Variants in BRSK2 observed in about 807,000 individuals in gnomAD.
BRSK2 encodes serine/threonine-protein kinase BRSK2.
A neutral mutation model predicts 83.3 loss-of-function variants in BRSK2; 19 were observed. That is an observed-to-expected ratio of 0.23 (90% confidence interval 0.16 to 0.33). The LOEUF (loss-of-function observed/expected upper bound fraction) is 0.33. BRSK2 is among the 10% of genes least tolerant of loss of function. The pLI, the probability that BRSK2 is intolerant of heterozygous loss-of-function variation, is 1.00. For synonymous variants in BRSK2, 519 were observed against 435.4 expected (o/e 1.19, Z -2.39); for missense variants, 798 against 1,042.3 (o/e 0.77, Z 3.23).
chr11:1,402,504 G>T (rs1177746934), intron 1 of BRSK2, among the ~76,000 whole-genome samples: 2 of 152,194 alleles, frequency 1.3e-5, no homozygotes, highest in Non-Finnish European at 2.9e-5. Context: ...GGTGGGTGGT[G>T]CTGCGTGTAA....
At chr11:1,444,274 A>G (rs1474536933) in intron 8 of BRSK2, among the ~76,000 whole-genome samples, 1 of 152,102 alleles carries the variant, frequency 6.6e-6, no homozygotes, top group Non-Finnish European at 1.5e-5. Context: ...GGTAGCCCCC[A>G]GCTGCTGGTC....
chr11:1,448,204 C>T (rs560050897), intron 12 of BRSK2, among the ~76,000 whole-genome samples: 5 of 152,266 alleles, frequency 3.3e-5, no homozygotes, highest in East Asian at 3.9e-4. Context: ...CCCCTGGGGC[C>T]GGCCAGAGTT....
chr11:1,445,839 C>T lies in BRSK2; in HGVS notation c.1158C>T (p.Leu386=). The change falls in exon 12 of 20, where the codon CTC becomes CTT. Residue 386 remains leucine, a synonymous_variant. Transcript: ENST00000528841. The part of the protein sequence containing the change: ...RRPERKSMEV[L]SVTDGGSPVP... ...CAGAACGCAAATCCATGGAGGTGCT[C>T]AGCGTGACGGACGGCGGCTCCCCGG... 6.2e-7 allele frequency: 1 copy of T among 1,612,434 alleles called. No individual in the cohort carries two copies. The highest frequency in any genetic ancestry group is 8.5e-7 in the Non-Finnish European group (1 of 1,179,706).
At position 1,443,644 on chromosome 11, in the gene BRSK2, C is replaced by CCTCGGAG. The variant is rs1422891122; in HGVS notation, c.780+11_780+17dup. On this transcript the variant is annotated intron_variant, in intron 8 of 19. Transcript: ENST00000528841. The stretch of plus-strand genomic sequence containing the variant: ...CCGCACGCCGCCTCACGGTGCGTGC[C>CCTCGGAG]CTCGGAGCGGGGCGGCCCCAGAGCG... 6.3e-7 allele frequency: 1 copy of CCTCGGAG among 1,585,266 alleles called. No homozygotes were observed. The highest frequency in any genetic ancestry group is 1.4e-5 in the African/African-American group (1 of 73,034).
At chr11:1,451,773 T>G (rs1212623787) in intron 15 of BRSK2, among the ~76,000 whole-genome samples, 1 of 151,990 alleles carries the variant, frequency 6.6e-6, no homozygotes, top group Non-Finnish European at 1.5e-5. Flanking sequence ...CAGCCCGTGT[T>G]AAGAACAAAG....
chr11:1,446,639 C>T (rs1852168159), intron 12 of BRSK2, among the ~76,000 whole-genome samples: 1 of 152,084 alleles, frequency 6.6e-6, no homozygotes, highest in South Asian at 2.1e-4. Flanking sequence ...GGAGGAAGGG[C>T]ACCCAGCCCC....
chr11:1,419,407 C>A (rs1234723147), intron 1 of BRSK2, among the ~76,000 whole-genome samples: 1 of 152,216 alleles, frequency 6.6e-6, no homozygotes, highest in Non-Finnish European at 1.5e-5. Context: ...GGTCGGTGGT[C>A]TCTCTATGTC....
chr11:1,399,518 G>C (rs1200854848), intron 1 of BRSK2, among the ~76,000 whole-genome samples: 2 of 152,174 alleles, frequency 1.3e-5, no homozygotes, highest in African/African-American at 4.8e-5. Context: ...AATGAGAGGG[G>C]AGCCGTGAGC....
intron 1 of BRSK2, among the ~76,000 whole-genome samples, chr11:1,400,511 G>A (rs1469411908): frequency 6.6e-6 from 1 of 152,214 alleles, no homozygotes; most frequent in Non-Finnish European, 1.5e-5. Flanking sequence ...AGCGGCCGTG[G>A]GTACTGTCTT....
intron 12 of BRSK2, among the ~76,000 whole-genome samples, chr11:1,449,390 G>T (rs980975780): frequency 1.3e-5 from 2 of 152,234 alleles, no homozygotes; most frequent in African/African-American, 4.8e-5. Context: ...GGCTTGGCAG[G>T]TGGGAGGCTG....
chr11:1,448,469 C>T (rs1032227979), intron 12 of BRSK2, among the ~76,000 whole-genome samples: 2 of 152,216 alleles, frequency 1.3e-5, no homozygotes, highest in Admixed American at 6.5e-5. Context: ...GTCTCTCCTG[C>T]CCCTGCCCCA....
intron 13 of BRSK2, 50 bp downstream of exon 13, chr11:1,449,886 C>T (rs777636637): frequency 2.1e-6 from 3 of 1,449,228 alleles, no homozygotes; most frequent in Non-Finnish European, 2.9e-6. Flanking sequence ...AGGCCCCAAC[C>T]CTCCCAGTCA....
chr11:1,459,124 G>A (rs369698696), intron 18 of BRSK2, 68 bp from the exon 19 acceptor site: 96 of 1,515,310 alleles, frequency 6.3e-5, no homozygotes, highest in Non-Finnish European at 8.0e-5. Flanking sequence ...GGCTGTGGGC[G>A]TCCAGCCAGA....
At chr11:1,451,248 G>A (rs998685406) in intron 14 of BRSK2, 123 bp from the exon 15 acceptor site, 5 of 1,177,272 alleles carry the variant, frequency 4.2e-6, no homozygotes, top group Non-Finnish European at 6.3e-6. Context: ...GTGCCCCTGG[G>A]GGGGCTGTCC....
At chr11:1,428,161 C>T (rs965328816) in intron 1 of BRSK2, among the ~76,000 whole-genome samples, 4 of 152,126 alleles carry the variant, frequency 2.6e-5, no homozygotes, top group African/African-American at 7.2e-5. Flanking sequence ...CTCCTACATC[C>T]CAGCCTGCTG....
At position 1,454,353 on chromosome 11, in the gene BRSK2, GC is replaced by G; in HGVS notation, c.1545-131del. ...GGGTCAGGGCCATGGGTTCTGGCTA[GC>G]ACTGTGGAGACAGCCGTTTCTATCA... On this transcript the variant is annotated intron_variant, in intron 15 of 19. Transcript: ENST00000528841. This position sits in a 1 kb window ranked among gnomAD's most constrained non-coding sequence, Gnocchi z 5.2. 1.8e-6 allele frequency: 2 copies of G among 1,098,956 alleles called. No homozygotes were observed. The highest frequency in any genetic ancestry group is 2.7e-6 in the Non-Finnish European group (2 of 745,214). The allele number at this position is 1,098,956 out of a possible 1,614,324, so 68.1% of individuals were successfully genotyped here.
intron 1 of BRSK2, among the ~76,000 whole-genome samples, chr11:1,399,942 C>T (rs1010202403): frequency 3.9e-5 from 6 of 152,096 alleles, no homozygotes; most frequent in East Asian, 1.9e-4. Context: ...TGGCGAGCAC[C>T]GCCTGTAGCC....
chr11:1,423,043 A>T lies in BRSK2; in HGVS notation c.92-12997A>T, dbSNP rs1848783037. On this transcript the variant is annotated intron_variant, in intron 1 of 19. Coordinates refer to ENST00000528841, the MANE Select transcript of BRSK2 (RefSeq NM_001256627.2). The surrounding 1 kb of genome is among the most constrained non-coding windows in gnomAD (Gnocchi z 6.5). ...CAAGGGGAGGGCAATGCAGCTTGGGAGCCTTAGCTCAGCCAGACAGCAGCC... is the reference window on the plus strand; with the variant it reads ...CAAGGGGAGGGCAATGCAGCTTGGGTGCCTTAGCTCAGCCAGACAGCAGCC... Among the ~76,000 whole-genome samples, 1 of 152,142 alleles carries T rather than the reference A, an allele frequency of 6.6e-6. No homozygotes were observed.
chr11:1,450,797 G>T lies in BRSK2; in HGVS notation c.1495+3G>T. 1 of 1,590,580 alleles carries T rather than the reference G, an allele frequency of 6.3e-7. No homozygotes were observed. ...CTTCCACCGCCGGAAACTGCAAGGT[G>T]AGTGTCTGCCCGGAGGCGCCAGAGT... On this transcript the variant is annotated splice_donor_region_variant and intron_variant, in intron 14 of 19. Transcript: ENST00000528841.
Sources: allele counts gnomAD v4.1 joint callset (sites outside exome capture counted in the v4.1 genomes callset), GRCh38; gene constraint gnomAD v4.1.1; non-coding constraint Gnocchi (gnomAD v3.1); transcripts MANE v1.5; gene names NCBI Gene and HGNC (gene_info 2026-07-23, HGNC 2026-07-21).